Variants in SNRNP40 observed in about 807,000 individuals in gnomAD.
SNRNP40 encodes the protein small nuclear ribonucleoprotein U5 subunit 40.
A neutral mutation model predicts 45.8 loss-of-function variants in SNRNP40; 21 were observed. The observed-to-expected ratio is 0.46, with a 90% CI of 0.32 to 0.66. The LOEUF (loss-of-function observed/expected upper bound fraction) is 0.66. SNRNP40 is among the 30% of genes least tolerant of loss of function. SNRNP40 has a pLI of 0.03. For synonymous variants in SNRNP40, 142 were observed against 163.8 expected (o/e 0.87, Z 1.01); for missense variants, 344 against 439.1 (o/e 0.78, Z 1.94).
At chr1:31,292,871 G>A (rs1043398108) in intron 2 of SNRNP40, 1 of 252,192 alleles carries the variant, frequency 4.0e-6, no homozygotes, top group Non-Finnish European at 7.8e-6. Context: ...ATACCTTTGG[G>A]AAAATAAAAG....
chr1:31,295,257 G>A (rs942013244), intron 1 of SNRNP40, among the ~76,000 whole-genome samples: 1 of 152,144 alleles, frequency 6.6e-6, no homozygotes, highest in African/African-American at 2.4e-5. Context: ...CAGCTACTCA[G>A]GAGGCTGAGG....
At chr1:31,269,670 A>G (rs1425532112) in intron 6 of SNRNP40, 1 of 262,004 alleles carries the variant, frequency 3.8e-6, no homozygotes, top group Non-Finnish European at 7.1e-6. Context: ...TTTCCCTCAT[A>G]TGGGCACCTG....
Position 31,264,893 on chromosome 1 carries a change from G to C in SNRNP40, c.920+2978C>G, listed in dbSNP as rs145815204. Among the ~76,000 whole-genome samples, 32 of 152,224 alleles carry C rather than the reference G, an allele frequency of 2.1e-4. No individual in the cohort carries two copies. In the East Asian group the frequency reaches 5.2e-3, roughly 25 times the overall value. On this transcript the variant is annotated intron_variant, in intron 8 of 9. Coordinates refer to ENST00000263694, the MANE Select transcript of SNRNP40 (RefSeq NM_004814.3). ...AAAGACAGAATCCCAGATCTCCAAG[G>C]GTTTACACTTCAAGGTCTCACTCTT...
chr1:31,262,286 G>A (rs1353073685), intron 8 of SNRNP40, among the ~76,000 whole-genome samples: 3 of 151,934 alleles, frequency 2.0e-5, no homozygotes, highest in South Asian at 2.1e-4. Context: ...TTGGGAGGCC[G>A]AGGTGCGTGG....
chr1:31,269,487 G>T, intron 6 of SNRNP40: 1 of 898,988 alleles, frequency 1.1e-6, no homozygotes, highest in South Asian at 3.4e-5. Context: ...ACACAATGTT[G>T]GTAATTTGCA....
chr1:31,285,401 C>T (rs150014408), intron 4 of SNRNP40, among the ~76,000 whole-genome samples: 5 of 152,066 alleles, frequency 3.3e-5, no homozygotes, highest in South Asian at 4.1e-4. Flanking sequence ...CCACCATGCC[C>T]GGCTTTTTTG....
chr1:31,273,272 T>C (rs142859679), intron 5 of SNRNP40, among the ~76,000 whole-genome samples: 1 of 152,262 alleles, frequency 6.6e-6, no homozygotes, highest in South Asian at 2.1e-4. Flanking sequence ...ACAGAACTTG[T>C]GTGTTATTTC....
At position 31,273,889 on chromosome 1, in the gene SNRNP40, TGA is replaced by T. The variant is rs376934395; in HGVS notation, c.655-2392_655-2391del. ...GGGTTTAGCTCTGGTGGAACAGAGATGAGAGTGAGAAAGGGAAGCTTTCACAG... is the reference window on the plus strand; with the variant it reads ...GGGTTTAGCTCTGGTGGAACAGAGATGAGTGAGAAAGGGAAGCTTTCACAG... On this transcript the variant is annotated intron_variant, in intron 5 of 9. Transcript: ENST00000263694. 5.9e-5 allele frequency among the ~76,000 whole-genome samples: 9 copies of T among 151,992 alleles called. No homozygotes were observed. In the East Asian group the frequency reaches 1.7e-3, roughly 29 times the overall value.
At position 31,260,131 on chromosome 1, in the gene SNRNP40, A is replaced by G. The variant is rs1645848372; in HGVS notation, c.1025-10T>C. Reference sequence around the variant, plus strand: ...CTCGATGCTGAGATAACTGAGGTAAAAAGAACAGATAACTAGAAATAATGA... The same window carrying G: ...CTCGATGCTGAGATAACTGAGGTAAGAAGAACAGATAACTAGAAATAATGA... On this transcript the variant is annotated splice_polypyrimidine_tract_variant and intron_variant, in intron 9 of 9. Coordinates refer to ENST00000263694, the MANE Select transcript of SNRNP40 (RefSeq NM_004814.3). The G allele has an allele frequency of 1.3e-6, 2 of 1,574,402 alleles. No individual in the cohort carries two copies. The highest frequency in any genetic ancestry group is 4.5e-5 in the East Asian group (2 of 44,230).
At chr1:31,265,841 AAAAC>A (rs1034426609) in intron 8 of SNRNP40, among the ~76,000 whole-genome samples, 15 of 102,144 alleles carry the variant, frequency 1.5e-4, no homozygotes, top group Non-Finnish European at 3.4e-4. Context: ...CTACATCTCA[AAAAC>A]AAACAAAAAT....
chr1:31,271,472 T>C lies in SNRNP40; in HGVS notation c.682A>G (p.Thr228Ala). 2 of 1,613,784 alleles carry C rather than the reference T, an allele frequency of 1.2e-6. No individual in the cohort carries two copies. Among genetic ancestry groups the C allele is most frequent in the Non-Finnish European group, 1.7e-6 (2 of 1,179,914 alleles). ...KVWDLRQNKL[T>A]YTMRGHADSV... is the part of the protein sequence containing the mutation. ...TCTGCATGGCCTCTCATGGTGTAGGTTAGCTTGTTCTGGCGCAGGTCCCAG... is the reference window on the plus strand; with the variant it reads ...TCTGCATGGCCTCTCATGGTGTAGGCTAGCTTGTTCTGGCGCAGGTCCCAG... The change falls in exon 6 of 10, where the codon ACC (threonine) becomes GCC (alanine). Residue 228 changes from threonine (T) to alanine (A), a missense_variant. Around this residue, in one of 2 missense-constraint regions of SNRNP40, gnomAD observed 254 missense variants for 380.2 expected, o/e 0.67. Coordinates refer to ENST00000263694, the MANE Select transcript of SNRNP40 (RefSeq NM_004814.3).
chr1:31,296,134 C>G (rs1160358131), intron 1 of SNRNP40, among the ~76,000 whole-genome samples: 1 of 152,186 alleles, frequency 6.6e-6, no homozygotes, highest in East Asian at 1.9e-4. Context: ...CACTTTAGTA[C>G]AAGAGTCAAT....
At chr1:31,261,462 C>A in intron 9 of SNRNP40, 67 bp downstream of exon 9, 1 of 1,039,374 alleles carries the variant, frequency 9.6e-7, no homozygotes, top group Non-Finnish European at 1.5e-6. Context: ...GCTTTTGACT[C>A]TCTATTCCCA....
chr1:31,288,410 T>C (rs1169795237), intron 4 of SNRNP40, among the ~76,000 whole-genome samples: 1 of 152,226 alleles, frequency 6.6e-6, no homozygotes, highest in African/African-American at 2.4e-5. Flanking sequence ...AAAATGAGGA[T>C]GCTCAGTGAG....
Position 31,286,063 on chromosome 1 carries a change from A to G in SNRNP40, c.531+3191T>C, listed in dbSNP as rs1569666451. ...GAAATAGGAGCCCTGGTTCCTTTTA[A>G]TGGAAAACAGTACCTGTGCAGTAAG... On this transcript the variant is annotated intron_variant, in intron 4 of 9. Coordinates refer to ENST00000263694, the MANE Select transcript of SNRNP40 (RefSeq NM_004814.3). 2.6e-5 allele frequency among the ~76,000 whole-genome samples: 4 copies of G among 151,962 alleles called. No homozygotes were observed. The South Asian group carries it at 6.2e-4, about 24-fold the overall frequency.
At chr1:31,293,038 T>C (rs1646117986) in intron 2 of SNRNP40, 181 bp downstream of exon 2, 2 of 622,194 alleles carry the variant, frequency 3.2e-6, no homozygotes, top group Non-Finnish European at 5.6e-6. Context: ...ATTTACCCCA[T>C]GGACTCCAAG....
intron 4 of SNRNP40, among the ~76,000 whole-genome samples, chr1:31,288,728 C>T (rs181430320): frequency 4.5e-4 from 67 of 149,264 alleles, no homozygotes; most frequent in African/African-American, 1.5e-3. Flanking sequence ...TTGAAAGACA[C>T]GTATATTACT....
rs773430002 is a variant in SNRNP40 at position 31,289,422 on chromosome 1, A to G, written c.366-3T>C. Reference sequence around the variant, plus strand: ...CTGTGGATGCTGAGAAAAGCATACTAGAAAGTAAGAGAAAGAATAAAAAAG... The same window carrying G: ...CTGTGGATGCTGAGAAAAGCATACTGGAAAGTAAGAGAAAGAATAAAAAAG... On this transcript the variant is annotated splice_polypyrimidine_tract_variant and splice_region_variant and intron_variant, in intron 3 of 9. Transcript: ENST00000263694. 5.6e-6 allele frequency: 9 copies of G among 1,603,836 alleles called. No homozygotes were observed. In the Admixed American group the frequency reaches 1.5e-4, roughly 27 times the overall value.
intron 7 of SNRNP40, among the ~76,000 whole-genome samples, 169 bp downstream of exon 7, chr1:31,268,989 C>A (rs1333282482): frequency 9.9e-5 from 15 of 152,190 alleles, no homozygotes; most frequent in Admixed American, 9.8e-4. Context: ...TCTCCCCAGT[C>A]ACTATTATTT....
Sources: gnomAD v4.1 joint callset for allele counts (sites outside exome capture counted in the v4.1 genomes callset) on GRCh38, gnomAD v4.1.1 for gene constraint, gnomAD v4.1.1 regional missense constraint, MANE v1.5 for transcripts, NCBI Gene and HGNC (gene_info 2026-07-23, HGNC 2026-07-21) for gene names.